VSTM2L: variants seen among roughly 807,000 people sequenced by gnomAD.
VSTM2L encodes the protein V-set and transmembrane domain containing 2 like, also known as V-set and transmembrane domain-containing protein 2-like protein.
VSTM2L carries 9 observed loss-of-function variants against 19.9 expected under a neutral mutation model. The observed-to-expected ratio is 0.45, with a 90% CI of 0.27 to 0.79. VSTM2L has a LOEUF of 0.79. Among genes scored for constraint, VSTM2L ranks in the 30% least tolerant of loss-of-function variants. The pLI, the probability that VSTM2L is intolerant of heterozygous loss-of-function variation, is 0.15. For synonymous variants in VSTM2L, 127 were observed against 133.8 expected, an observed-to-expected ratio of 0.95 and a Z score of 0.35; for missense variants, 286 against 295.5, an observed-to-expected ratio of 0.97 and a Z score of 0.24.
intron 1 of VSTM2L, among the ~76,000 whole-genome samples, chr20:37,923,043 A>G (rs2072861005): frequency 6.6e-6 from 1 of 152,210 alleles, no homozygotes; most frequent in Admixed American, 6.5e-5. Context: ...AGCACCTACT[A>G]TGTGCCGTGA....
intron 1 of VSTM2L, among the ~76,000 whole-genome samples, chr20:37,929,203 A>C (rs577473009): frequency 6.6e-6 from 1 of 152,106 alleles, no homozygotes; most frequent in South Asian, 2.1e-4. Flanking sequence ...GTTCCAGGGG[A>C]GTCTGAGGAA....
intron 1 of VSTM2L, among the ~76,000 whole-genome samples, chr20:37,904,160 C>T (rs2072738341): frequency 6.6e-6 from 1 of 152,210 alleles, no homozygotes; most frequent in African/African-American, 2.4e-5. Context: ...GCTGCAGCCT[C>T]CCAGTTGGGC....
chr20:37,919,415 A>T (rs1226598127), intron 1 of VSTM2L, among the ~76,000 whole-genome samples: 2 of 152,150 alleles, frequency 1.3e-5, no homozygotes, highest in Non-Finnish European at 2.9e-5. Flanking sequence ...CCTGGGGAGG[A>T]GAGGGCCCTG....
intron 3 of VSTM2L, among the ~76,000 whole-genome samples, chr20:37,940,581 C>A (rs1417307051): frequency 6.6e-6 from 1 of 152,262 alleles, no homozygotes; most frequent in African/African-American, 2.4e-5. Flanking sequence ...CCAGTTCCGC[C>A]ACTCACTGAC....
At chr20:37,907,674 C>T (rs542797934) in intron 1 of VSTM2L, among the ~76,000 whole-genome samples, 3 of 151,756 alleles carry the variant, frequency 2.0e-5, no homozygotes, top group Admixed American at 6.6e-5. Context: ...CACCCCTACA[C>T]ACACACACAC....
chr20:37,938,747 A>T (rs967854698), intron 3 of VSTM2L, among the ~76,000 whole-genome samples: 1 of 152,336 alleles, frequency 6.6e-6, no homozygotes, highest in African/African-American at 2.4e-5. Flanking sequence ...CTGGGTCGCC[A>T]TGCGGGGGTC....
At chr20:37,915,005 G>T (rs770782942) in intron 1 of VSTM2L, among the ~76,000 whole-genome samples, 3 of 152,240 alleles carry the variant, frequency 2.0e-5, no homozygotes, top group African/African-American at 4.8e-5. Flanking sequence ...GGCGTTGAAG[G>T]CGGCGGCAAT....
rs549924340 is a variant in VSTM2L, at chr20:37,942,351, G to A, written c.343-1630G>A. 1.3e-4 allele frequency among the ~76,000 whole-genome samples: 20 copies of A among 152,250 alleles called. No homozygotes were observed. The South Asian group carries it at 2.3e-3, about 17-fold the overall frequency. On this transcript the variant is annotated intron_variant, in intron 3 of 3. Coordinates refer to ENST00000373461, the MANE Select transcript of VSTM2L (RefSeq NM_080607.3). ...ACAAAAATTAGCTGAGCATGGTGGC[G>A]GGTGCCTGTAATCCCAGCTACTGGG...
chr20:37,937,084 G>T (rs529607184), intron 3 of VSTM2L, among the ~76,000 whole-genome samples: 4 of 152,070 alleles, frequency 2.6e-5, no homozygotes, highest in Admixed American at 6.6e-5. Context: ...AGCCAGGTGT[G>T]GTGGTGCACG....
intron 1 of VSTM2L, among the ~76,000 whole-genome samples, chr20:37,909,972 C>T (rs1204697153): frequency 1.3e-5 from 2 of 152,180 alleles, no homozygotes; most frequent in Non-Finnish European, 2.9e-5. Flanking sequence ...TCCCTTCTCA[C>T]AGCCAGGCCT....
At chr20:37,923,237 A>G (rs919931560) in intron 1 of VSTM2L, among the ~76,000 whole-genome samples, 2 of 152,138 alleles carry the variant, frequency 1.3e-5, no homozygotes, top group African/African-American at 4.8e-5. Flanking sequence ...TTCATGCTGA[A>G]CCAGGGTCTG....
intron 3 of VSTM2L, among the ~76,000 whole-genome samples, chr20:37,939,814 G>A (rs1374560744): frequency 2.6e-5 from 4 of 152,304 alleles, no homozygotes; most frequent in African/African-American, 9.6e-5. Context: ...CAAGAAAACC[G>A]AGGCCAGAGT....
intron 3 of VSTM2L, among the ~76,000 whole-genome samples, chr20:37,935,945 C>T (rs543257865): frequency 1.1e-4 from 16 of 147,876 alleles, no homozygotes; most frequent in East Asian, 3.9e-4. Context: ...AGTGCAGTGG[C>T]GAGATCTTGG....
At chr20:37,930,943 T>C (rs911912997) in intron 1 of VSTM2L, among the ~76,000 whole-genome samples, 8 of 152,184 alleles carry the variant, frequency 5.3e-5, no homozygotes, top group African/African-American at 1.9e-4. Context: ...CTCGGGATCC[T>C]CAAGGAGGAC....
rs572371070 is a variant in VSTM2L, at chr20:37,920,399, G to A, written c.122-11236G>A. 9.8e-5 allele frequency among the ~76,000 whole-genome samples: 15 copies of A among 152,366 alleles called. No homozygotes were observed. The South Asian group carries it at 1.7e-3, about 17-fold the overall frequency. On this transcript the variant is annotated intron_variant, in intron 1 of 3. Coordinates refer to ENST00000373461, the MANE Select transcript of VSTM2L (RefSeq NM_080607.3). ...TGCCACGGGGCTGCTGGGCTGGCCC[G>A]TAGCCAACAAGGGTTGGGGAGCTAC...
chr20:37,921,762 A>G (rs971147030), intron 1 of VSTM2L, among the ~76,000 whole-genome samples: 1 of 151,480 alleles, frequency 6.6e-6, no homozygotes, highest in South Asian at 2.1e-4. Flanking sequence ...GAAGGAGTTG[A>G]AGATGCGGGG....
At chr20:37,934,433 G>A (rs1020456023) in intron 3 of VSTM2L, among the ~76,000 whole-genome samples, 4 of 152,186 alleles carry the variant, frequency 2.6e-5, no homozygotes, top group Admixed American at 1.3e-4. Context: ...TGGCAGGGGC[G>A]TGAGGCAAGC....
chr20:37,932,608 A>G (rs1258192442), intron 2 of VSTM2L, among the ~76,000 whole-genome samples: 1 of 152,102 alleles, frequency 6.6e-6, no homozygotes. Flanking sequence ...CGAAGCTCCA[A>G]TTGCCTACTG....
chr20:37,914,951 G>T lies in VSTM2L; in HGVS notation c.121+11480G>T, dbSNP rs1040907465. Among the ~76,000 whole-genome samples, 43 of 152,188 alleles carry T rather than the reference G, an allele frequency of 2.8e-4. 1 individual carries two copies. Among genetic ancestry groups the T allele is most frequent in the African/African-American group, 1.0e-3 (42 of 41,450 alleles). On this transcript the variant is annotated intron_variant, in intron 1 of 3. Coordinates refer to ENST00000373461, the MANE Select transcript of VSTM2L (RefSeq NM_080607.3). Reference sequence around the variant, plus strand: ...GTGGGGAAGGCGGAGAGCTGACGGCGGGGTGTCTGTTTTGCTTTGTGAGGT... The same window carrying T: ...GTGGGGAAGGCGGAGAGCTGACGGCTGGGTGTCTGTTTTGCTTTGTGAGGT...
Sources: gnomAD v4.1 joint callset for allele counts (sites outside exome capture counted in the v4.1 genomes callset) on GRCh38, gnomAD v4.1.1 for gene constraint, MANE v1.5 for transcripts, NCBI Gene and HGNC (gene_info 2026-07-23, HGNC 2026-07-21) for gene names.